The following FBXO3 variants were observed in gnomAD, a reference collection of about 807,000 sequenced individuals.
FBXO3 encodes the protein F-box protein 3.
Under a neutral mutation model 64.8 loss-of-function variants are expected in FBXO3, and 17 were observed. That is an observed-to-expected ratio of 0.26 (90% CI 0.18 to 0.39). The LOEUF is 0.39. FBXO3 is among the 10% of genes least tolerant of loss of function. The pLI, the probability that FBXO3 is intolerant of heterozygous loss-of-function variation, is 1.00. For synonymous variants in FBXO3, 182 were observed against 201.6 expected (o/e 0.90, Z 0.82); for missense variants, 420 against 589.9 (o/e 0.71, Z 2.98).
At chr11:33,750,786 T>C (rs989466457) in intron 7 of FBXO3, 125 bp from the exon 8 acceptor site, 2 of 817,804 alleles carry the variant, frequency 2.4e-6, no homozygotes, top group African/African-American at 1.7e-5. Context: ...AGTTCAATAA[T>C]ATTTGGGTAT....
chr11:33,748,712 A>G (rs1854878200), intron 9 of FBXO3, 65 bp downstream of exon 9: 1 of 977,564 alleles, frequency 1.0e-6, no homozygotes, highest in African/African-American at 1.6e-5. Flanking sequence ...TGTTATATTT[A>G]GGATGCAAAG....
chr11:33,765,870 A>G (rs999486404), intron 3 of FBXO3, among the ~76,000 whole-genome samples: 3 of 152,084 alleles, frequency 2.0e-5, no homozygotes, highest in Admixed American at 1.3e-4. Context: ...TGCTTTCCCC[A>G]TGAGTAAAAG....
chr11:33,766,689 C>T (rs953460889), intron 3 of FBXO3, among the ~76,000 whole-genome samples: 4 of 152,180 alleles, frequency 2.6e-5, no homozygotes, highest in African/African-American at 4.8e-5. Context: ...CAATGCCTAT[C>T]TGCTTTCTGA....
chr11:33,770,660 G>T, intron 2 of FBXO3, 81 bp downstream of exon 2: 1 of 1,018,006 alleles, frequency 9.8e-7, no homozygotes, highest in African/African-American at 1.6e-5. Context: ...ACAAGGGTTA[G>T]AGAGGAGAAT....
chr11:33,760,855 C>T (rs1021738274), intron 3 of FBXO3, among the ~76,000 whole-genome samples: 3 of 151,962 alleles, frequency 2.0e-5, no homozygotes, highest in African/African-American at 7.3e-5. Context: ...AAAGTGATCC[C>T]AGATGGAAGC....
At chr11:33,761,633 TCA>T (rs1215940197) in intron 3 of FBXO3, among the ~76,000 whole-genome samples, 3 of 152,200 alleles carry the variant, frequency 2.0e-5, no homozygotes, top group Non-Finnish European at 4.4e-5. Flanking sequence ...ACTTATTATT[TCA>T]CAGTTTCTGT....
At position 33,747,172 on chromosome 11, in the gene FBXO3, G is replaced by T; in HGVS notation, c.1197C>A (p.Phe399Leu). The T allele has an allele frequency of 6.2e-7, 1 of 1,610,014 alleles. No individual in the cohort carries two copies. The highest frequency in any genetic ancestry group is 8.5e-7 in the Non-Finnish European group (1 of 1,179,068). The change falls in exon 10 of 11, where the codon TTC (phenylalanine) becomes TTA (leucine). Residue 399 changes from phenylalanine (F) to leucine (L), a missense_variant. Physicochemically the swap from Phe to Leu is conservative, Grantham distance 22. This residue lies in a region of FBXO3 where 337 missense variants were observed against 518.4 expected (regional missense o/e 0.65). Coordinates refer to ENST00000265651, the MANE Select transcript of FBXO3 (RefSeq NM_012175.4). The part of the protein sequence containing the change: ...DKIFNVAIPR[F>L]HMACPTFRVS... ...CCCTGAATGTTGGACATGCCATATG[G>T]AATCGGGGAATGGCAACATTAAAGA...
chr11:33,762,512 T>C (rs1283329731), intron 3 of FBXO3, among the ~76,000 whole-genome samples: 1 of 151,944 alleles, frequency 6.6e-6, no homozygotes. Context: ...GTCCAAAATA[T>C]TTAGAAATTA....
At chr11:33,770,259 A>C (rs1282347113) in intron 2 of FBXO3, among the ~76,000 whole-genome samples, 2 of 152,198 alleles carry the variant, frequency 1.3e-5, no homozygotes, top group African/African-American at 2.4e-5. Context: ...TTACTTCACC[A>C]ACTTTAGTCA....
At chr11:33,770,682 A>T in intron 2 of FBXO3, 59 bp downstream of exon 2, 1 of 1,255,256 alleles carries the variant, frequency 8.0e-7, no homozygotes, top group South Asian at 1.2e-5. Context: ...AGGACAAACT[A>T]GTGTTATGGA....
chr11:33,759,845 T>C (rs567200108), intron 3 of FBXO3, among the ~76,000 whole-genome samples: 2 of 152,158 alleles, frequency 1.3e-5, no homozygotes, highest in African/African-American at 4.8e-5. Flanking sequence ...AGCAGAGAAC[T>C]AGAAACTATA....
intron 1 of FBXO3, chr11:33,772,647 C>G (rs1214670712): frequency 6.6e-6 from 1 of 152,270 alleles, no homozygotes; most frequent in Non-Finnish European, 1.5e-5. Context: ...TTCTCACTTC[C>G]TATTCCTTAA....
At chr11:33,772,967 G>A (rs1423442645) in intron 1 of FBXO3, 1 of 151,072 alleles carries the variant, frequency 6.6e-6, no homozygotes, top group Non-Finnish European at 1.5e-5. Context: ...GGCATTCCAG[G>A]CAAGGTCGAG....
Position 33,769,854 on chromosome 11 carries a change from G to GTTTT in FBXO3, c.195-844_195-841dup, listed in dbSNP as rs35225091. ...TGGGGAAAAGAACAACTCAGGGTGGGTTTTTTTTTTTTTTTTTTTGCGGGG... is the reference window on the plus strand; with the variant it reads ...TGGGGAAAAGAACAACTCAGGGTGGGTTTTTTTTTTTTTTTTTTTTTTTGCGGGG... On this transcript the variant is annotated intron_variant, in intron 2 of 10. Transcript: ENST00000265651. Among the ~76,000 whole-genome samples, 180 of 124,084 alleles carry GTTTT rather than the reference G, an allele frequency of 1.5e-3. 1 individual carries two copies. Among genetic ancestry groups the GTTTT allele is most frequent in the African/African-American group, 4.5e-3 (147 of 32,582 alleles). The allele number at this position is 124,084 out of a possible 152,430, so 81.4% of individuals were successfully genotyped here. A position where few individuals can be genotyped will look rare whatever the true frequency, so the allele number is the denominator to read the frequency against.
intron 3 of FBXO3, chr11:33,763,244 C>A (rs1855285879): frequency 2.2e-6 from 1 of 445,560 alleles, no homozygotes; most frequent in African/African-American, 2.0e-5. Context: ...GGCAACACTT[C>A]TCGACTCGTT....
rs1005177259 is a variant in FBXO3, at chr11:33,750,521, C to T, written c.932+18G>A. Reference sequence around the variant, plus strand: ...ATCCCACCATTAACTGAAAGGTGACCCCATTTAAAATTCTCACCTGATTCG... The same window carrying T: ...ATCCCACCATTAACTGAAAGGTGACTCCATTTAAAATTCTCACCTGATTCG... On this transcript the variant is annotated intron_variant, in intron 8 of 10. Coordinates refer to ENST00000265651, the MANE Select transcript of FBXO3 (RefSeq NM_012175.4). 3.7e-6 allele frequency: 6 copies of T among 1,612,702 alleles called. No homozygotes were observed. Among genetic ancestry groups the T allele is most frequent in the Non-Finnish European group, 5.1e-6 (6 of 1,179,244 alleles).
Position 33,756,878 on chromosome 11 carries a change from A to G in FBXO3, c.474-903T>C, listed in dbSNP as rs577317177. ...CTGGAGCTATAAGTGCATGCTACCA[A>G]GTCTGGCAAATTGTTTTTAACTTAA... On this transcript the variant is annotated intron_variant, in intron 4 of 10. Coordinates refer to ENST00000265651, the MANE Select transcript of FBXO3 (RefSeq NM_012175.4). 3.3e-5 allele frequency among the ~76,000 whole-genome samples: 5 copies of G among 152,232 alleles called. No individual in the cohort carries two copies. The South Asian group carries it at 1.0e-3, about 32-fold the overall frequency.
chr11:33,754,923 TG>T (rs1855056112), intron 5 of FBXO3, among the ~76,000 whole-genome samples: 2 of 151,420 alleles, frequency 1.3e-5, no homozygotes, highest in South Asian at 2.1e-4. Context: ...TGGAGTGCAG[TG>T]GCTCGATCTC....
intron 4 of FBXO3, chr11:33,757,087 C>T (rs1855116279): frequency 1.9e-6 from 1 of 518,568 alleles, no homozygotes; most frequent in South Asian, 1.4e-5. Flanking sequence ...TTGGGATTCC[C>T]TGTACTCATT....
Sources: gnomAD v4.1 joint callset for allele counts (sites outside exome capture counted in the v4.1 genomes callset) on GRCh38, gnomAD v4.1.1 for gene constraint, gnomAD v4.1.1 regional missense constraint, MANE v1.5 for transcripts, NCBI Gene and HGNC (gene_info 2026-07-23, HGNC 2026-07-21) for gene names.